The following VAMP4 variants were observed in gnomAD, a reference collection of about 807,000 sequenced individuals.
The protein encoded by VAMP4 is vesicle associated membrane protein 4.
A neutral mutation model predicts 23.5 loss-of-function variants in VAMP4; 19 were observed. The observed-to-expected ratio is 0.81, with a 90% CI of 0.56 to 1.19. The LOEUF is 1.19. Ranked by LOEUF, VAMP4 falls within the 50% of genes most tolerant of loss-of-function variation. The pLI, the probability that VAMP4 is intolerant of heterozygous loss-of-function variation, is 0.00. For synonymous variants in VAMP4, 31 were observed against 51.0 expected, an observed-to-expected ratio of 0.61 and a Z score of 1.67; for missense variants, 145 against 168.6, an observed-to-expected ratio of 0.86 and a Z score of 0.78.
At chr1:171,737,113 G>A (rs1243156613) in intron 2 of VAMP4, among the ~76,000 whole-genome samples, 1 of 152,236 alleles carries the variant, frequency 6.6e-6, no homozygotes, top group Non-Finnish European at 1.5e-5. Flanking sequence ...GGTGGACAGA[G>A]TGGATAATAT....
At chr1:171,720,519 A>T (rs562617271) in intron 3 of VAMP4, among the ~76,000 whole-genome samples, 1 of 151,258 alleles carries the variant, frequency 6.6e-6, no homozygotes, top group African/African-American at 2.4e-5. Context: ...AGAAGGCATA[A>T]ATTAGTAACA....
At chr1:171,723,938 C>T (rs1655280348) in intron 3 of VAMP4, among the ~76,000 whole-genome samples, 1 of 152,178 alleles carries the variant, frequency 6.6e-6, no homozygotes, top group Non-Finnish European at 1.5e-5. Flanking sequence ...GCTCTTCTGC[C>T]ATGGCTTCAG....
intron 4 of VAMP4, among the ~76,000 whole-genome samples, chr1:171,712,224 A>G (rs1654870728): frequency 1.3e-5 from 2 of 152,130 alleles, no homozygotes; most frequent in Admixed American, 1.3e-4. Flanking sequence ...AAAAGGAAGA[A>G]GTGTGTAGGG....
chr1:171,741,211 G>A (rs1035597214), intron 1 of VAMP4, among the ~76,000 whole-genome samples: 6 of 152,166 alleles, frequency 3.9e-5, no homozygotes, highest in Non-Finnish European at 7.3e-5. Context: ...CTATGTGTGC[G>A]TTTTTGTAAG....
Position 171,703,470 on chromosome 1 carries a change from C to CAT in VAMP4, c.*1035_*1036insAT, listed in dbSNP as rs1654540345. ...ATATATATATATATATATATATATA[C>CAT]ACATAGGTTCCTGACTTTCTACTAC... On this transcript the variant is annotated 3_prime_UTR_variant, in exon 8 of 8. Coordinates refer to ENST00000236192, the MANE Select transcript of VAMP4 (RefSeq NM_003762.5). The CAT allele has an allele frequency of 1.3e-4, 8 of 63,400 alleles. No individual in the cohort carries two copies. Among genetic ancestry groups the CAT allele is most frequent in the East Asian group, 1.0e-3 (2 of 1,976 alleles). The allele number at this position is 63,400 out of a possible 1,614,324, so 3.9% of individuals were successfully genotyped here.
At chr1:171,726,620 CCA>C in intron 3 of VAMP4, among the ~76,000 whole-genome samples, 1 of 152,228 alleles carries the variant, frequency 6.6e-6, no homozygotes. Context: ...CCATATTCCC[CCA>C]GTTTCATCCT....
chr1:171,708,838 G>A (rs1407075148), intron 6 of VAMP4, among the ~76,000 whole-genome samples: 2 of 133,798 alleles, frequency 1.5e-5, no homozygotes, highest in Non-Finnish European at 3.1e-5. Flanking sequence ...GGTGAGCCGA[G>A]ATCAGCCTGG....
chr1:171,714,544 G>A lies in VAMP4; in HGVS notation c.165-3730C>T, dbSNP rs553891783. On this transcript the variant is annotated intron_variant, in intron 4 of 7. Transcript: ENST00000236192. ...CCCAGCACTTTGGGAGGCTGAGGCA[G>A]GAGGATCGCTTGAGCCCAGGAGTTT... Among the ~76,000 whole-genome samples, 13 of 152,362 alleles carry A rather than the reference G, an allele frequency of 8.5e-5. No homozygotes were observed. The South Asian group carries it at 2.7e-3, about 32-fold the overall frequency.
chr1:171,728,573 G>A lies in VAMP4; in HGVS notation c.67-3C>T. On this transcript the variant is annotated splice_region_variant and splice_polypyrimidine_tract_variant and intron_variant, in intron 2 of 7. Coordinates refer to ENST00000236192, the MANE Select transcript of VAMP4 (RefSeq NM_003762.5). ...GAATCATCTTCCAAAAGATTTCTCTGTCAAAAAAAGAAAAAGACTTGAGTT... is the reference window on the plus strand; with the variant it reads ...GAATCATCTTCCAAAAGATTTCTCTATCAAAAAAAGAAAAAGACTTGAGTT... 6.4e-7 allele frequency: 1 copy of A among 1,554,380 alleles called. No homozygotes were observed. Among genetic ancestry groups the A allele is most frequent in the Non-Finnish European group, 8.7e-7 (1 of 1,153,130 alleles).
intron 4 of VAMP4, among the ~76,000 whole-genome samples, chr1:171,716,610 A>C (rs912500629): frequency 2.6e-5 from 4 of 152,254 alleles, no homozygotes; most frequent in African/African-American, 9.6e-5. Flanking sequence ...ACACTAATAA[A>C]TGTGGCTAAT....
rs1279080780 is a variant in VAMP4, at chr1:171,741,969, G to T, written c.-109C>A. 6.6e-6 allele frequency: 1 copy of T among 152,300 alleles called. No individual in the cohort carries two copies. The highest frequency in any genetic ancestry group is 2.4e-5 in the African/African-American group (1 of 41,468). The allele number at this position is 152,300 out of a possible 1,614,324, so 9.4% of individuals were successfully genotyped here. A position where few individuals can be genotyped will look rare whatever the true frequency, so the allele number is the denominator to read the frequency against. ...GGGCTGGCGGTGCTGGGCGGGCGGG[G>T]GAAGGAGTAGGAAGCCGAGGTAAGA... On this transcript the variant is annotated 5_prime_UTR_variant, in exon 1 of 8. Coordinates refer to ENST00000236192, the MANE Select transcript of VAMP4 (RefSeq NM_003762.5).
Position 171,720,788 on chromosome 1 carries a change from C to T in VAMP4, c.114-1567G>A, listed in dbSNP as rs531912638. Among the ~76,000 whole-genome samples the T allele has an allele frequency of 4.6e-5, 7 of 152,082 alleles. No homozygotes were observed. The South Asian group carries it at 1.0e-3, about 23-fold the overall frequency. On this transcript the variant is annotated intron_variant, in intron 3 of 7. Coordinates refer to ENST00000236192, the MANE Select transcript of VAMP4 (RefSeq NM_003762.5). ...TTCTGGAAAACTAAAAAAGACAGAA[C>T]TTTCCCAACTCATTATCCAGGGCCA...
At chr1:171,712,728 G>T (rs1295479736) in intron 4 of VAMP4, among the ~76,000 whole-genome samples, 1 of 152,160 alleles carries the variant, frequency 6.6e-6, no homozygotes, top group Non-Finnish European at 1.5e-5. Flanking sequence ...GAGAGTTAAA[G>T]GTGTTCATCC....
chr1:171,722,574 C>T (rs6668623), intron 3 of VAMP4, among the ~76,000 whole-genome samples: 53,160 of 151,948 alleles, frequency 0.35, 9,725 homozygotes, highest in African/African-American at 0.47. Flanking sequence ...AATCAAACAA[C>T]CCCATCAAAA....
At chr1:171,707,217 C>T (rs910616700) in intron 6 of VAMP4, among the ~76,000 whole-genome samples, 2 of 152,058 alleles carry the variant, frequency 1.3e-5, no homozygotes. Flanking sequence ...GAGGTGTTAG[C>T]GATTCTCTTT....
Position 171,729,772 on chromosome 1 carries a change from G to A in VAMP4, c.67-1202C>T, listed in dbSNP as rs150202093. Reference sequence around the variant, plus strand: ...CCTCCCGGGTTCAAGTGATTCTCCCGCCTTAGCCTCCTAAGTAGCTGGGAC... The same window carrying A: ...CCTCCCGGGTTCAAGTGATTCTCCCACCTTAGCCTCCTAAGTAGCTGGGAC... On this transcript the variant is annotated intron_variant, in intron 2 of 7. Coordinates refer to ENST00000236192, the MANE Select transcript of VAMP4 (RefSeq NM_003762.5). Among the ~76,000 whole-genome samples, 581 of 152,216 alleles carry A rather than the reference G, an allele frequency of 3.8e-3. 3 individuals carry two copies. The highest frequency in any genetic ancestry group is 0.013 in the African/African-American group (529 of 41,550).
rs1654404780 is a variant in VAMP4 at position 171,700,783 on chromosome 1, C to G, written c.*3723G>C. The G allele has an allele frequency of 6.6e-6, 1 of 152,216 alleles. No individual in the cohort carries two copies. Among genetic ancestry groups the G allele is most frequent in the Non-Finnish European group, 1.5e-5 (1 of 68,046 alleles). 9.4% of individuals were successfully genotyped at this position (152,216 alleles called of 1,614,324 possible). A position where few individuals can be genotyped will look rare whatever the true frequency, so the allele number is the denominator to read the frequency against. ...ATCTAGCATCTGCCAAGGTTCACAG[C>G]ACTGTGCTGGGTGCTGGGGAGACAG... On this transcript the variant is annotated 3_prime_UTR_variant, in exon 8 of 8. Transcript: ENST00000236192.
At chr1:171,730,835 A>G (rs142915022) in intron 2 of VAMP4, among the ~76,000 whole-genome samples, 4 of 152,246 alleles carry the variant, frequency 2.6e-5, no homozygotes, top group African/African-American at 7.2e-5. Flanking sequence ...GGAAAAGGAA[A>G]ATATAAGAAA....
intron 6 of VAMP4, 36 bp from the exon 7 acceptor site, chr1:171,706,454 G>A (rs1435640544): frequency 6.3e-7 from 1 of 1,574,962 alleles, no homozygotes; most frequent in African/African-American, 1.4e-5. Context: ...ATTAATATTT[G>A]ACTTGTTAAT....
Sources: gnomAD v4.1 joint callset for allele counts (sites outside exome capture counted in the v4.1 genomes callset) on GRCh38, gnomAD v4.1.1 for gene constraint, MANE v1.5 for transcripts, NCBI Gene and HGNC (gene_info 2026-07-23, HGNC 2026-07-21) for gene names.